EIF3H: variants seen among roughly 807,000 people sequenced by gnomAD.
The protein encoded by EIF3H is eIF-3-gamma.
Under a neutral mutation model 44.2 loss-of-function variants are expected in EIF3H, and 26 were observed. The ratio of observed to expected loss-of-function variants is 0.59; its 90% CI spans 0.43 to 0.82. The LOEUF is 0.82. EIF3H is among the 40% of genes least tolerant of loss of function. EIF3H has a pLI of 0.00. For synonymous variants in EIF3H, 166 were observed against 151.9 expected (o/e 1.09, Z -0.68); for missense variants, 359 against 432.8 (o/e 0.83, Z 1.51).
At position 116,727,118 on chromosome 8, in the gene EIF3H, C is replaced by T. The variant is rs563404756; in HGVS notation, c.133-946G>A. Among the ~76,000 whole-genome samples, 4 of 152,188 alleles carry T rather than the reference C, an allele frequency of 2.6e-5. 1 individual carries two copies. Among genetic ancestry groups the T allele is most frequent in the Admixed American group, 2.6e-4 (4 of 15,284 alleles). On this transcript the variant is annotated intron_variant, in intron 1 of 7. Transcript: ENST00000521861. ...AAAACAAATATATTATTGTTAGAAA[C>T]GAAGTAATGGGTGGGCCAGGCACAC... is the stretch of plus-strand genomic sequence containing the variant.
At chr8:116,759,623 C>T (rs1262615920), upstream of EIF3H, among the ~76,000 whole-genome samples, 2 of 152,144 alleles carry the variant, frequency 1.3e-5, no homozygotes, top group East Asian at 1.9e-4. Flanking sequence ...AGAGTGCTAA[C>T]TTACAACAGA....
intron 2 of EIF3H, among the ~76,000 whole-genome samples, chr8:116,690,859 T>G (rs1299515467): frequency 2.0e-5 from 3 of 152,250 alleles, no homozygotes; most frequent in African/African-American, 7.2e-5. Flanking sequence ...ATACTTTTCC[T>G]CTGTTAAATT....
At chr8:116,646,856 G>T (rs979143358) in intron 6 of EIF3H, among the ~76,000 whole-genome samples, 1 of 152,112 alleles carries the variant, frequency 6.6e-6, no homozygotes. Flanking sequence ...AACAAAACTA[G>T]TTATGTAAGT....
chr8:116,678,447 G>GC (rs1190847197), intron 2 of EIF3H, among the ~76,000 whole-genome samples: 14 of 149,826 alleles, frequency 9.3e-5, no homozygotes, highest in Middle Eastern at 3.5e-3. Context: ...TCTCTGCCTG[G>GC]CCCCCCATCG....
chr8:116,668,791 C>T (rs1010675498), intron 2 of EIF3H, among the ~76,000 whole-genome samples: 54 of 152,076 alleles, frequency 3.6e-4, no homozygotes, highest in African/African-American at 1.2e-3. Flanking sequence ...TAAGATTGAA[C>T]AAAATCATTT....
At chr8:116,687,008 G>A (rs1814089413) in intron 2 of EIF3H, among the ~76,000 whole-genome samples, 1 of 152,136 alleles carries the variant, frequency 6.6e-6, no homozygotes, top group Non-Finnish European at 1.5e-5. Context: ...CTGGCAAGAA[G>A]GTGTCAGACA....
chr8:116,727,743 T>C (rs1040487983), intron 1 of EIF3H, among the ~76,000 whole-genome samples: 2 of 152,248 alleles, frequency 1.3e-5, no homozygotes. Context: ...CATTCCCACA[T>C]TATTTTTTAG....
At chr8:116,666,261 T>G (rs1301044179) in intron 2 of EIF3H, among the ~76,000 whole-genome samples, 1 of 152,150 alleles carries the variant, frequency 6.6e-6, no homozygotes, top group African/African-American at 2.4e-5. Flanking sequence ...TGGGGAATAA[T>G]GGAATGGGAA....
At chr8:116,703,109 G>A (rs775627368) in intron 2 of EIF3H, among the ~76,000 whole-genome samples, 33 of 152,200 alleles carry the variant, frequency 2.2e-4, no homozygotes, top group Non-Finnish European at 4.3e-4. Flanking sequence ...TGTATTAGAT[G>A]TAGAATGTAG....
At chr8:116,698,776 AT>A (rs199694476) in intron 2 of EIF3H, among the ~76,000 whole-genome samples, 1 of 151,752 alleles carries the variant, frequency 6.6e-6, no homozygotes, top group Admixed American at 6.6e-5. Flanking sequence ...GTTTAAGATG[AT>A]TTTTTTTTCT....
chr8:116,725,627 T>C (rs1264378364), intron 2 of EIF3H, among the ~76,000 whole-genome samples: 5 of 152,132 alleles, frequency 3.3e-5, no homozygotes, highest in Non-Finnish European at 5.9e-5. Flanking sequence ...AAGCAGAAAA[T>C]TGAACTCCAT....
chr8:116,684,953 C>A (rs1401889387), intron 2 of EIF3H, among the ~76,000 whole-genome samples: 1 of 152,116 alleles, frequency 6.6e-6, no homozygotes, highest in East Asian at 1.9e-4. Context: ...AGAAAGAATA[C>A]TAATTTACTA....
intron 2 of EIF3H, among the ~76,000 whole-genome samples, chr8:116,720,939 T>C (rs1258382520): frequency 6.6e-6 from 1 of 152,058 alleles, no homozygotes; most frequent in Non-Finnish European, 1.5e-5. Flanking sequence ...TATAAAAGTT[T>C]GGAAAATTTG....
Position 116,738,887 on chromosome 8 carries a change from A to G in EIF3H, c.133-12715T>C, listed in dbSNP as rs989855546. Among the ~76,000 whole-genome samples the G allele has an allele frequency of 8.5e-5, 13 of 152,264 alleles. No homozygotes were observed. The East Asian group carries it at 2.5e-3, about 29-fold the overall frequency. Reference sequence around the variant, plus strand: ...CTAAAACTAACTTAAAAGTTAAGTAAATCTAATGTAATGGTATTTAGTGAT... The same window carrying G: ...CTAAAACTAACTTAAAAGTTAAGTAGATCTAATGTAATGGTATTTAGTGAT... On this transcript the variant is annotated intron_variant, in intron 1 of 7. Transcript: ENST00000521861.
In EIF3H at chr8:116,719,109, A is replaced by T. The variant is rs191184928; in HGVS notation, c.289+6907T>A. On this transcript the variant is annotated intron_variant, in intron 2 of 7. Transcript: ENST00000521861. ...GCCAGGAGGAATGAGCCTTAGTTTA[A>T]TAACTGACCATTGGATCACATCACA... 3.9e-5 allele frequency among the ~76,000 whole-genome samples: 6 copies of T among 152,188 alleles called. No homozygotes were observed. In the East Asian group the frequency reaches 9.6e-4, roughly 24 times the overall value.
At chr8:116,705,362 T>C (rs1426017776) in intron 2 of EIF3H, among the ~76,000 whole-genome samples, 1 of 152,174 alleles carries the variant, frequency 6.6e-6, no homozygotes, top group Non-Finnish European at 1.5e-5. Context: ...AAAAGATTCA[T>C]GCCCTAATGC....
intron 2 of EIF3H, among the ~76,000 whole-genome samples, chr8:116,715,773 A>T (rs557629010): frequency 8.1e-4 from 123 of 152,238 alleles, no homozygotes; most frequent in African/African-American, 2.8e-3. Flanking sequence ...TTATAAGATG[A>T]AAATATTTCT....
chr8:116,736,429 A>G (rs1231706494), intron 1 of EIF3H, among the ~76,000 whole-genome samples: 1 of 152,240 alleles, frequency 6.6e-6, no homozygotes, highest in Non-Finnish European at 1.5e-5. Context: ...CAGGAGGCTG[A>G]GGCCAGCGGA....
At position 116,755,682 on chromosome 8, in the gene EIF3H, A is replaced by T; in HGVS notation, c.116T>A (p.Val39Glu). The T allele has an allele frequency of 6.2e-7, 1 of 1,614,166 alleles. No individual in the cohort carries two copies. The highest frequency in any genetic ancestry group is 8.5e-7 in the Non-Finnish European group (1 of 1,180,028). Residue 39 changes from valine to glutamate, a missense_variant, in exon 1 of 8, where the codon GTG becomes GAG. By Grantham distance (121) the Val-to-Glu change is moderately radical. Coordinates refer to ENST00000521861, the MANE Select transcript of EIF3H (RefSeq NM_003756.3). Reference protein sequence around the residue: ...GGSGDSAVKQVQIDGLVVLKI... With the variant: ...GGSGDSAVKQEQIDGLVVLKI... ...AGCACTCACAAGGCCATCTATCTGC[A>T]CTTGCTTCACGGCTGAATCTCCCGA...
Sources: gnomAD v4.1 joint callset for allele counts (sites outside exome capture counted in the v4.1 genomes callset) on GRCh38, gnomAD v4.1.1 for gene constraint, MANE v1.5 for transcripts, NCBI Gene and HGNC (gene_info 2026-07-23, HGNC 2026-07-21) for gene names.